VEPH1: variants seen among roughly 807,000 people sequenced by gnomAD.
VEPH1 encodes the protein ventricular zone-expressed PH domain-containing protein homolog 1.
In VEPH1, 80 loss-of-function variants were observed where a neutral mutation model predicts 85.2. The observed-to-expected ratio is 0.94, with a 90% confidence interval of 0.78 to 1.13. The LOEUF (loss-of-function observed/expected upper bound fraction) is 1.13. Ranked by LOEUF, VEPH1 falls within the 50% of genes most tolerant of loss-of-function variation. VEPH1 has a pLI of 0.00. For synonymous variants in VEPH1, 297 were observed against 348.0 expected, an observed-to-expected ratio of 0.85 and a Z score of 1.63; for missense variants, 955 against 980.5, an observed-to-expected ratio of 0.97 and a Z score of 0.35.
At chr3:157,372,153 C>T (rs1727562328) in intron 7 of VEPH1, among the ~76,000 whole-genome samples, 1 of 152,200 alleles carries the variant, frequency 6.6e-6, no homozygotes, top group Non-Finnish European at 1.5e-5. Context: ...AAGACATTGT[C>T]ACTCTTGGCA....
At chr3:157,375,841 A>G (rs1339501673) in intron 7 of VEPH1, among the ~76,000 whole-genome samples, 2 of 152,154 alleles carry the variant, frequency 1.3e-5, no homozygotes, top group Non-Finnish European at 2.9e-5. Context: ...AAATCTCATA[A>G]TCACTACCAC....
chr3:157,297,381 G>A (rs940334218), intron 11 of VEPH1, among the ~76,000 whole-genome samples: 6 of 152,112 alleles, frequency 3.9e-5, no homozygotes, highest in Admixed American at 3.3e-4. Flanking sequence ...GATGTAATGC[G>A]ACGTGGACAT....
chr3:157,449,891 T>C (rs901272405), intron 4 of VEPH1, among the ~76,000 whole-genome samples: 78 of 151,834 alleles, frequency 5.1e-4, no homozygotes, highest in African/African-American at 1.7e-3. Context: ...GTGGGTATTG[T>C]ATATTTTTCT....
At chr3:157,291,293 T>G (rs1167896422) in intron 11 of VEPH1, among the ~76,000 whole-genome samples, 1 of 152,212 alleles carries the variant, frequency 6.6e-6, no homozygotes, top group Non-Finnish European at 1.5e-5. Context: ...TGATATGGAG[T>G]ACAAGGTGTG....
chr3:157,300,257 C>T (rs1394236676), intron 11 of VEPH1, among the ~76,000 whole-genome samples: 1 of 152,174 alleles, frequency 6.6e-6, no homozygotes, highest in African/African-American at 2.4e-5. Flanking sequence ...TAGATTAGAA[C>T]AGACATTGCA....
At chr3:157,344,150 T>G (rs1303982471) in intron 9 of VEPH1, among the ~76,000 whole-genome samples, 10 of 152,130 alleles carry the variant, frequency 6.6e-5, no homozygotes, top group African/African-American at 2.4e-4. Flanking sequence ...CCACTCCTAT[T>G]TAACATAGTG....
At chr3:157,263,572 T>G (rs1196629822) in intron 13 of VEPH1, among the ~76,000 whole-genome samples, 1 of 152,120 alleles carries the variant, frequency 6.6e-6, no homozygotes, top group African/African-American at 2.4e-5. Context: ...GAACCTATGC[T>G]AAAAAAATTT....
intron 12 of VEPH1, among the ~76,000 whole-genome samples, chr3:157,276,438 C>A (rs934879813): frequency 3.3e-5 from 5 of 152,178 alleles, no homozygotes; most frequent in African/African-American, 4.8e-5. Flanking sequence ...GGTGAGAAGC[C>A]TTGCATGTTA....
chr3:157,407,265 A>T (rs1034554667), intron 6 of VEPH1, among the ~76,000 whole-genome samples: 11 of 152,192 alleles, frequency 7.2e-5, no homozygotes, highest in Non-Finnish European at 1.0e-4. Context: ...AAGAGTTTTT[A>T]AAAAATTGCT....
At chr3:157,466,349 A>G (rs1327037141) in intron 3 of VEPH1, among the ~76,000 whole-genome samples, 2 of 152,170 alleles carry the variant, frequency 1.3e-5, no homozygotes, top group South Asian at 2.1e-4. Context: ...TCGCTTTTGT[A>G]ATAAAAGATC....
chr3:157,436,293 C>T (rs774328282), intron 4 of VEPH1, among the ~76,000 whole-genome samples: 1 of 151,692 alleles, frequency 6.6e-6, no homozygotes, highest in Non-Finnish European at 1.5e-5. Context: ...AAAAAATTAT[C>T]TATAAAAGTA....
intron 4 of VEPH1, among the ~76,000 whole-genome samples, chr3:157,452,953 C>T (rs1287077092): frequency 6.6e-6 from 1 of 152,166 alleles, no homozygotes; most frequent in Non-Finnish European, 1.5e-5. Context: ...CAGCCGACTC[C>T]CATTCCCTGC....
chr3:157,322,067 A>C lies in VEPH1; in HGVS notation c.1736-4866T>G, dbSNP rs528933273. Among the ~76,000 whole-genome samples, 4 of 152,198 alleles carry C rather than the reference A, an allele frequency of 2.6e-5. No individual in the cohort carries two copies. In the South Asian group the frequency reaches 8.3e-4, roughly 32 times the overall value. ...CACCATCCATCTCCAGAACTCTTCC[A>C]TCCTTCCTAGTTGAAACCCTATACC... On this transcript the variant is annotated intron_variant, in intron 9 of 13. Coordinates refer to ENST00000362010, the MANE Select transcript of VEPH1 (RefSeq NM_001167912.2).
At chr3:157,383,315 A>C (rs1354145231) in intron 6 of VEPH1, among the ~76,000 whole-genome samples, 1 of 152,172 alleles carries the variant, frequency 6.6e-6, no homozygotes, top group Non-Finnish European at 1.5e-5. Flanking sequence ...TAATTTCCTA[A>C]TGGTTACATG....
chr3:157,447,558 T>C (rs764884935), intron 4 of VEPH1, among the ~76,000 whole-genome samples: 21 of 152,014 alleles, frequency 1.4e-4, no homozygotes, highest in Admixed American at 1.3e-3. Flanking sequence ...CTAGAGATTA[T>C]GAAACTCCAT....
intron 7 of VEPH1, among the ~76,000 whole-genome samples, chr3:157,365,242 T>C (rs1359002631): frequency 6.6e-6 from 1 of 152,190 alleles, no homozygotes; most frequent in Non-Finnish European, 1.5e-5. Context: ...GCTGAGTAAT[T>C]ATAGGAAAGT....
At chr3:157,335,543 A>G (rs1336035913) in intron 9 of VEPH1, among the ~76,000 whole-genome samples, 1 of 152,228 alleles carries the variant, frequency 6.6e-6, no homozygotes, top group Non-Finnish European at 1.5e-5. Context: ...AAGGTAGTCA[A>G]ATCAAAGGAA....
chr3:157,266,114 A>G (rs1234134877), intron 12 of VEPH1, among the ~76,000 whole-genome samples: 1 of 150,178 alleles, frequency 6.7e-6, no homozygotes, highest in Non-Finnish European at 1.5e-5. Flanking sequence ...TCCATGCTTT[A>G]TGACACATGA....
chr3:157,353,118 G>C (rs1426458001), intron 9 of VEPH1, among the ~76,000 whole-genome samples: 4 of 152,142 alleles, frequency 2.6e-5, no homozygotes, highest in Non-Finnish European at 5.9e-5. Flanking sequence ...GGCATCTGGA[G>C]TTATTACCTA....
Sources: gnomAD v4.1 joint callset for allele counts (sites outside exome capture counted in the v4.1 genomes callset) on GRCh38, gnomAD v4.1.1 for gene constraint, MANE v1.5 for transcripts, NCBI Gene and HGNC (gene_info 2026-07-23, HGNC 2026-07-21) for gene names.